Variants in SVIL observed in about 807,000 individuals in gnomAD.
SVIL encodes the protein archvillin.
SVIL carries 101 observed loss-of-function variants against 240.4 expected under a neutral mutation model. The ratio of observed to expected loss-of-function variants is 0.42; its 90% CI spans 0.36 to 0.50. SVIL has a LOEUF of 0.50. Ranked by LOEUF, SVIL falls within the 20% of genes least tolerant of loss-of-function variation. SVIL has a pLI of 0.01. For synonymous variants in SVIL, 999 were observed against 1,100.0 expected (o/e 0.91, Z 1.82); for missense variants, 2,512 against 2,818.7 (o/e 0.89, Z 2.46).
chr10:29,578,399 A>C (rs1268254076), intron 1 of SVIL, among the ~76,000 whole-genome samples: 5 of 152,200 alleles, frequency 3.3e-5, no homozygotes, highest in Admixed American at 6.5e-5. Context: ...GCATGAATGA[A>C]TGGCGCCTAT....
intron 6 of SVIL, chr10:29,544,885 G>A: frequency 7.1e-6 from 3 of 425,078 alleles, no homozygotes; most frequent in Non-Finnish European, 1.5e-5. Context: ...ATGGCAGGGA[G>A]CACAGGTGTT....
rs114584599 is a variant in SVIL at position 29,735,209 on chromosome 10, T to C, written c.-400+542A>G. On this transcript the variant is annotated intron_variant, in intron 1 of 35. Transcript: ENST00000375400. The surrounding 1 kb of genome is among the most constrained non-coding windows in gnomAD (Gnocchi z 4.1). ...TGGCCTGGCGCACCACGCATCGGGT[T>C]CAAACCCGCGCGGGCCCTGCGGAGG... 0.029 allele frequency among the ~76,000 whole-genome samples: 4,426 copies of C among 152,126 alleles called. 212 individuals are homozygous for C. Among genetic ancestry groups the C allele is most frequent in the African/African-American group, 0.099 (4,120 of 41,508 alleles).
rs745434086 is a variant in SVIL at position 29,457,904 on chromosome 10, CTT to C, written c.*341_*342del. The C allele has an allele frequency of 5.7e-5, 9 of 159,040 alleles. No homozygotes were observed. Among genetic ancestry groups the C allele is most frequent in the Non-Finnish European group, 1.2e-4 (9 of 78,076 alleles). The allele number at this position is 159,040 out of a possible 1,614,324, so 9.9% of individuals were successfully genotyped here. ...GAATCCACAAACTATCAAAATAACA[CTT>C]TATAAAGAGAACTGCTTCAAAAAAA... On this transcript the variant is annotated 3_prime_UTR_variant, in exon 38 of 38. Transcript: ENST00000355867.
chr10:29,516,058 C>T (rs1249589802), intron 16 of SVIL, among the ~76,000 whole-genome samples: 1 of 152,198 alleles, frequency 6.6e-6, no homozygotes. Flanking sequence ...GCAGCCCTCG[C>T]CTGCCTGTGT....
At chr10:29,471,600 A>G (rs1310970325) in intron 30 of SVIL, among the ~76,000 whole-genome samples, 1 of 152,262 alleles carries the variant, frequency 6.6e-6, no homozygotes, top group Non-Finnish European at 1.5e-5. Flanking sequence ...TGATATAAAT[A>G]CATTCTTAAC....
At chr10:29,600,306 G>A (rs1956763315) in intron 1 of SVIL, among the ~76,000 whole-genome samples, 2 of 152,178 alleles carry the variant, frequency 1.3e-5, no homozygotes, top group Non-Finnish European at 1.5e-5. Flanking sequence ...AAGGTTGGAG[G>A]TGTCTTTAGA....
intron 1 of SVIL, among the ~76,000 whole-genome samples, chr10:29,624,456 T>C (rs1042290997): frequency 1.3e-5 from 2 of 152,178 alleles, no homozygotes; most frequent in Non-Finnish European, 2.9e-5. Flanking sequence ...AAGAATCACC[T>C]GAATGTGGGA....
intron 1 of SVIL, among the ~76,000 whole-genome samples, chr10:29,573,526 TATA>T (rs1955543151): frequency 6.6e-6 from 1 of 152,088 alleles, no homozygotes; most frequent in Admixed American, 6.5e-5. Flanking sequence ...CTCCAATAAT[TATA>T]ATGAATTATT....
intron 36 of SVIL, among the ~76,000 whole-genome samples, chr10:29,460,221 GAAT>G (rs1009555730): frequency 1.3e-5 from 2 of 152,290 alleles, no homozygotes; most frequent in African/African-American, 4.8e-5. Context: ...AGTAAAATGG[GAAT>G]AATAATAAGA....
chr10:29,595,265 C>A (rs189208008), intron 1 of SVIL, among the ~76,000 whole-genome samples: 1 of 152,182 alleles, frequency 6.6e-6, no homozygotes, highest in Non-Finnish European at 1.5e-5. Flanking sequence ...AAGGGAGCCT[C>A]GGGAAGCTGA....
intron 1 of SVIL, among the ~76,000 whole-genome samples, chr10:29,574,067 A>C (rs1318274309): frequency 2.6e-5 from 4 of 152,176 alleles, no homozygotes; most frequent in Non-Finnish European, 5.9e-5. Flanking sequence ...CCTTTTCAAT[A>C]GCATCACACA....
Position 29,571,036 on chromosome 10 carries a change from C to A in SVIL, c.-200-1724G>T, listed in dbSNP as rs191570814. 2.1e-3 allele frequency among the ~76,000 whole-genome samples: 319 copies of A among 152,328 alleles called. 1 individual carries two copies. The highest frequency in any genetic ancestry group is 7.4e-3 in the African/African-American group (306 of 41,574). On this transcript the variant is annotated intron_variant, in intron 1 of 37. Transcript: ENST00000355867. ...CCCTGGGCTTCTGAACATGGCTGCA[C>A]ACAGACGGCTCGGTCACACAGCCTG...
chr10:29,474,884 C>T (rs1254310844), intron 29 of SVIL, among the ~76,000 whole-genome samples: 1 of 152,224 alleles, frequency 6.6e-6, no homozygotes, highest in Non-Finnish European at 1.5e-5. Context: ...TGACATATCA[C>T]TTGAGCATAA....
At chr10:29,629,084 G>T (rs1413284359) in intron 1 of SVIL, among the ~76,000 whole-genome samples, 4 of 152,070 alleles carry the variant, frequency 2.6e-5, no homozygotes, top group Admixed American at 6.6e-5. Flanking sequence ...AGGAGTGAGT[G>T]GGCAGGAAAG....
At chr10:29,481,281 A>T (rs545720087) in intron 28 of SVIL, among the ~76,000 whole-genome samples, 1 of 151,184 alleles carries the variant, frequency 6.6e-6, no homozygotes, top group South Asian at 2.1e-4. Flanking sequence ...TTTTATGGGG[A>T]AGGGGGTGTG....
rs745684595 is a variant in SVIL at position 29,512,741 on chromosome 10, G to C, written c.3510C>G (p.Ile1170Met). The C allele has an allele frequency of 6.2e-7, 1 of 1,614,116 alleles. No homozygotes were observed. Among genetic ancestry groups the C allele is most frequent in the Non-Finnish European group, 8.5e-7 (1 of 1,180,044 alleles). Residue 1170 changes from isoleucine (I) to methionine (M), a missense_variant, in exon 17 of 38, where the codon ATC (isoleucine) becomes ATG (methionine). Physicochemically the swap from Ile to Met is conservative, Grantham distance 10 (BLOSUM62 1). Around this residue, in one of 3 missense-constraint regions of SVIL, gnomAD observed 1,443 missense variants for 1,486.6 expected, o/e 0.97. Transcript: ENST00000355867. ...CTAACATGGGGAATGTTACCTTCTT[G>C]ATGAGGGACCGCCCTGCTTCCTGGG... Reference protein sequence around the residue: ...LHTQEAGRSLIKKRVTESRES... With the variant: ...LHTQEAGRSLMKKRVTESRES...
At chr10:29,529,623 C>T in intron 12 of SVIL, 82 bp downstream of exon 12, 1 of 1,444,910 alleles carries the variant, frequency 6.9e-7, no homozygotes, top group Non-Finnish European at 9.1e-7. Context: ...CCCAATGCCT[C>T]ATTTTCATTG....
chr10:29,672,915 G>A (rs1367040777), intron 2 of SVIL, among the ~76,000 whole-genome samples: 1 of 151,874 alleles, frequency 6.6e-6, no homozygotes, highest in African/African-American at 2.4e-5. Context: ...GTTTTGTTTT[G>A]TTGTTGTTGT....
At position 29,551,223 on chromosome 10, in the gene SVIL, T is replaced by C; in HGVS notation, c.201A>G (p.Leu67=). The stretch of plus-strand genomic sequence containing the variant: ...AGTATTTGGATCGAGTTTGCTTTTC[T>C]AGAGAAGAATCAGAAGTTTCCTCCT... ...NEEEETSDSS[L]EKQTRSKYCT... Residue 67 remains leucine, a synonymous_variant, in exon 6 of 38, where the codon CTA becomes CTG. Coordinates refer to ENST00000355867, the MANE Select transcript of SVIL (RefSeq NM_021738.3). 2 of 1,608,446 alleles carry C rather than the reference T, an allele frequency of 1.2e-6. No homozygotes were observed. The highest frequency in any genetic ancestry group is 1.7e-6 in the Non-Finnish European group (2 of 1,177,276).
Sources: allele counts gnomAD v4.1 joint callset (sites outside exome capture counted in the v4.1 genomes callset), GRCh38; gene constraint gnomAD v4.1.1; regional missense constraint gnomAD v4.1.1; non-coding constraint Gnocchi (gnomAD v3.1); transcripts MANE v1.5; gene names NCBI Gene and HGNC (gene_info 2026-07-23, HGNC 2026-07-21).